The following ALOX5 variants were observed in gnomAD, a reference collection of about 807,000 sequenced individuals.
ALOX5 encodes the protein polyunsaturated fatty acid 5-lipoxygenase.
ALOX5 carries 64 observed loss-of-function variants against 87.9 expected under a neutral mutation model. That is an observed-to-expected ratio of 0.73 (90% CI 0.60 to 0.90). The LOEUF (loss-of-function observed/expected upper bound fraction) is 0.90, where lower values mean the gene tolerates loss of function less well. Among genes scored for constraint, ALOX5 ranks in the 40% least tolerant of loss-of-function variants. ALOX5 has a pLI of 0.00. For missense variants in ALOX5, 822 were observed against 907.5 expected, an observed-to-expected ratio of 0.91 and a Z score of 1.21; for synonymous variants, 388 against 355.1, an observed-to-expected ratio of 1.09 and a Z score of -1.04.
In ALOX5 at chr10:45,387,055, G is replaced by A. The variant is rs114375595; in HGVS notation, c.349+4374G>A. On this transcript the variant is annotated intron_variant, in intron 2 of 13. Coordinates refer to ENST00000374391, the MANE Select transcript of ALOX5 (RefSeq NM_000698.5). Reference sequence around the variant, plus strand: ...GTTCCCATCCATTGGCATTTACTGCGTGCCAGGCGCCGTGTGGAGGGCTTT... The same window carrying A: ...GTTCCCATCCATTGGCATTTACTGCATGCCAGGCGCCGTGTGGAGGGCTTT... Among the ~76,000 whole-genome samples the A allele has an allele frequency of 6.5e-3, 991 of 152,276 alleles. 13 individuals carry two copies. Among genetic ancestry groups the A allele is most frequent in the African/African-American group, 0.022 (905 of 41,544 alleles).
intron 6 of ALOX5, among the ~76,000 whole-genome samples, chr10:45,426,499 G>C (rs966496002): frequency 6.6e-6 from 1 of 152,244 alleles, no homozygotes; most frequent in East Asian, 1.9e-4. Context: ...CAGCAAGCTT[G>C]TGGCCTACTA....
chr10:45,396,234 ACTT>A (rs1304894342), intron 3 of ALOX5, among the ~76,000 whole-genome samples: 1 of 152,238 alleles, frequency 6.6e-6, no homozygotes, highest in Non-Finnish European at 1.5e-5. Context: ...GTTGCCTCTT[ACTT>A]CTTATGTCTT....
chr10:45,419,707 C>A (rs58704739), intron 4 of ALOX5, among the ~76,000 whole-genome samples: 3,218 of 152,346 alleles, frequency 0.021, 110 homozygotes, highest in African/African-American at 0.072. Flanking sequence ...CCACTGAACT[C>A]CCGCCTGGGC....
At chr10:45,399,060 C>T (rs914914375) in intron 3 of ALOX5, among the ~76,000 whole-genome samples, 3 of 152,260 alleles carry the variant, frequency 2.0e-5, no homozygotes, top group South Asian at 4.1e-4. Flanking sequence ...ACAACCCAAA[C>T]GTCCATTAAT....
At chr10:45,384,630 G>A (rs1448066917) in intron 2 of ALOX5, among the ~76,000 whole-genome samples, 2 of 152,150 alleles carry the variant, frequency 1.3e-5, no homozygotes, top group African/African-American at 2.4e-5. Context: ...CATGATGGCT[G>A]GCTTCCAAGA....
At chr10:45,422,526 C>G (rs1841538348) in intron 4 of ALOX5, among the ~76,000 whole-genome samples, 1 of 152,200 alleles carries the variant, frequency 6.6e-6, no homozygotes, top group Non-Finnish European at 1.5e-5. Context: ...CCTCTTAGTC[C>G]ATGAGGCGAT....
At chr10:45,391,054 CT>C (rs1840217124) in intron 2 of ALOX5, among the ~76,000 whole-genome samples, 1 of 92,986 alleles carries the variant, frequency 1.1e-5, no homozygotes, top group African/African-American at 5.0e-5. Context: ...CCCCTCTCCC[CT>C]CTCCCTCTCC....
At chr10:45,386,098 G>A (rs960073068) in intron 2 of ALOX5, among the ~76,000 whole-genome samples, 6 of 152,034 alleles carry the variant, frequency 3.9e-5, no homozygotes, top group East Asian at 1.9e-4. Flanking sequence ...TCAGGAGATC[G>A]AGACCATCCT....
chr10:45,424,848 C>G (rs573519264), intron 5 of ALOX5, 112 bp from the exon 6 acceptor site: 1 of 1,347,448 alleles, frequency 7.4e-7, no homozygotes, highest in East Asian at 2.3e-5. Flanking sequence ...CCAGGGAGCA[C>G]TCGGGAGAGG....
Position 45,382,611 on chromosome 10 carries a change from G to A in ALOX5, c.279G>A (p.Gly93=), listed in dbSNP as rs1839875933. ...LKYITLKTPH[G]DYIEFPCYRW... ...ACATCACGCTGAAGACGCCCCACGG[G>A]GACTACATCGAGTTCCCCTGCTACC... Residue 93 remains glycine (G), a synonymous_variant, in exon 2 of 14, where the codon GGG becomes GGA. Transcript: ENST00000374391. The A allele has an allele frequency of 6.2e-7, 1 of 1,614,128 alleles. No homozygotes were observed. Among genetic ancestry groups the A allele is most frequent in the Non-Finnish European group, 8.5e-7 (1 of 1,180,040 alleles).
chr10:45,442,827 T>A, intron 9 of ALOX5: 1 of 576,376 alleles, frequency 1.7e-6, no homozygotes, highest in South Asian at 2.3e-5. Context: ...TCCCTTGCAT[T>A]GGATTGGGCG....
At chr10:45,385,967 C>G (rs1177853271) in intron 2 of ALOX5, among the ~76,000 whole-genome samples, 1 of 152,098 alleles carries the variant, frequency 6.6e-6, no homozygotes, top group Non-Finnish European at 1.5e-5. Flanking sequence ...CTTTGGGTGG[C>G]TAAGGCGGGA....
At chr10:45,375,709 C>T (rs1839580450) in intron 1 of ALOX5, among the ~76,000 whole-genome samples, 1 of 147,218 alleles carries the variant, frequency 6.8e-6, no homozygotes, top group Non-Finnish European at 1.5e-5. Context: ...TATCCAGGAG[C>T]CCATACCCTC....
intron 2 of ALOX5, among the ~76,000 whole-genome samples, chr10:45,392,060 A>T (rs1414385475): frequency 1.3e-5 from 2 of 150,268 alleles, no homozygotes; most frequent in African/African-American, 2.5e-5. Flanking sequence ...CCGCCCGGCC[A>T]GCCGCCCCGT....
At chr10:45,419,549 C>T (rs1841428062) in intron 4 of ALOX5, among the ~76,000 whole-genome samples, 2 of 152,236 alleles carry the variant, frequency 1.3e-5, no homozygotes, top group Admixed American at 6.5e-5. Flanking sequence ...GTGCTCCAGA[C>T]GACCCAGCTA....
chr10:45,399,421 C>A (rs1201296346), intron 3 of ALOX5, among the ~76,000 whole-genome samples: 1 of 152,152 alleles, frequency 6.6e-6, no homozygotes, highest in Non-Finnish European at 1.5e-5. Context: ...GAATTGAACA[C>A]TTTAAATGGA....
intron 7 of ALOX5, 33 bp downstream of exon 7, chr10:45,428,797 G>T (rs369619034): frequency 6.9e-5 from 111 of 1,611,986 alleles, no homozygotes; most frequent in Non-Finnish European, 4.6e-5. Flanking sequence ...TTTCTGAGCA[G>T]CTCAGTCCTC....
At chr10:45,392,469 CA>C (rs1840321960) in intron 2 of ALOX5, among the ~76,000 whole-genome samples, 1 of 151,074 alleles carries the variant, frequency 6.6e-6, no homozygotes, top group Non-Finnish European at 1.5e-5. Flanking sequence ...GGATTAAGGG[CA>C]GTGCAAGATG....
chr10:45,443,933 C>T, intron 12 of ALOX5, 105 bp downstream of exon 12: 1 of 1,450,260 alleles, frequency 6.9e-7, no homozygotes, highest in Non-Finnish European at 9.3e-7. Flanking sequence ...AGCCTCGGGG[C>T]CTGGCACGGG....
Sources: allele counts gnomAD v4.1 joint callset (sites outside exome capture counted in the v4.1 genomes callset), GRCh38; gene constraint gnomAD v4.1.1; transcripts MANE v1.5; gene names NCBI Gene and HGNC (gene_info 2026-07-23, HGNC 2026-07-21).